Variants in CTSS observed in about 807,000 individuals in gnomAD.
CTSS encodes cathepsin S.
CTSS carries 15 observed loss-of-function variants against 39.9 expected under a neutral mutation model. The observed-to-expected ratio is 0.38, with a 90% confidence interval of 0.25 to 0.58. The LOEUF (loss-of-function observed/expected upper bound fraction) is 0.58. CTSS is among the 20% of genes least tolerant of loss of function. The pLI is 0.70. For missense variants in CTSS, 250 were observed against 398.2 expected, an observed-to-expected ratio of 0.63 and a Z score of 3.17; for synonymous variants, 126 against 138.2, an observed-to-expected ratio of 0.91 and a Z score of 0.62.
At chr1:150,757,829 G>T in intron 3 of CTSS, 29 bp downstream of exon 3, 3 of 1,603,168 alleles carry the variant, frequency 1.9e-6, no homozygotes, top group Non-Finnish European at 1.7e-6. Flanking sequence ...ACCCAGACGT[G>T]AAAGTGGGAT....
intron 7 of CTSS, among the ~76,000 whole-genome samples, chr1:150,734,213 G>A (rs1449238536): frequency 2.0e-5 from 3 of 151,858 alleles, no homozygotes; most frequent in Admixed American, 1.3e-4. Flanking sequence ...TTTTAGTAGA[G>A]ATGGGGTTTC....
intron 4 of CTSS, 33 bp downstream of exon 4, chr1:150,754,968 T>C (rs1269488087): frequency 6.2e-7 from 1 of 1,600,290 alleles, no homozygotes; most frequent in African/African-American, 1.3e-5. Flanking sequence ...GAGCTCTACC[T>C]AGGGTTCAGA....
At chr1:150,738,452 A>T (rs1484430862) in intron 7 of CTSS, among the ~76,000 whole-genome samples, 1 of 150,578 alleles carries the variant, frequency 6.6e-6, no homozygotes, top group African/African-American at 2.4e-5. Flanking sequence ...AACTGTTTTC[A>T]TTATTAGCAA....
At chr1:150,760,914 C>T (rs1267631939) in intron 2 of CTSS, among the ~76,000 whole-genome samples, 2 of 151,088 alleles carry the variant, frequency 1.3e-5, no homozygotes, top group Admixed American at 6.6e-5. Context: ...GGCAAGGCGG[C>T]TTATGCTTGT....
In CTSS at chr1:150,730,511, GA is replaced by G. The variant is rs1231214974; in HGVS notation, c.*2534del. 6.6e-6 allele frequency: 1 copy of G among 151,880 alleles called. No individual in the cohort carries two copies. Among genetic ancestry groups the G allele is most frequent in the African/African-American group, 2.4e-5 (1 of 41,370 alleles). 9.4% of individuals were successfully genotyped at this position (151,880 alleles called of 1,614,324 possible). Reference sequence around the variant, plus strand: ...TATGATCTACTTCAGGGGAAGGTCAGAAAATCCTTCCCAGGTTTTATGGCTG... The same window carrying G: ...TATGATCTACTTCAGGGGAAGGTCAGAAATCCTTCCCAGGTTTTATGGCTG... On this transcript the variant is annotated 3_prime_UTR_variant, in exon 8 of 8. Coordinates refer to ENST00000368985, the MANE Select transcript of CTSS (RefSeq NM_004079.5).
intron 5 of CTSS, among the ~76,000 whole-genome samples, chr1:150,751,183 T>C (rs1172270212): frequency 1.3e-5 from 2 of 152,134 alleles, no homozygotes; most frequent in Non-Finnish European, 2.9e-5. Context: ...GAGAATAAGG[T>C]TGAGCATGGG....
rs1254478539 is a variant in CTSS, at chr1:150,764,756, C to T, written c.8G>A (p.Arg3Gln). ...GCACACCAAGAGCACACAAACCAGC[C>T]GTTTCATTCTGTGTAAGGAAAGGTA... MK[R>Q]LVCVLLVCSS... Residue 3 changes from arginine (R) to glutamine (Q), a missense_variant, in exon 2 of 8, where the codon CGG becomes CAG. Arg to Gln is a conservative substitution (Grantham distance 43). Coordinates refer to ENST00000368985, the MANE Select transcript of CTSS (RefSeq NM_004079.5). 5.0e-6 allele frequency: 8 copies of T among 1,613,792 alleles called. No individual in the cohort carries two copies. The African/African-American group carries it at 6.7e-5, about 13-fold the overall frequency.
At chr1:150,763,279 G>A (rs954783084) in intron 2 of CTSS, among the ~76,000 whole-genome samples, 1 of 152,134 alleles carries the variant, frequency 6.6e-6, no homozygotes, top group Non-Finnish European at 1.5e-5. Context: ...GGTTAGCAGA[G>A]GCTGGGCGGA....
Position 150,749,998 on chromosome 1 carries a change from T to C in CTSS, c.793+8A>G. 1 of 1,586,132 alleles carries C rather than the reference T, an allele frequency of 6.3e-7. No individual in the cohort carries two copies. Among genetic ancestry groups the C allele is most frequent in the Non-Finnish European group, 8.6e-7 (1 of 1,162,790 alleles). ...TAAATTCTAATTATTGTTTATTTTA[T>C]TTTTTACCACTTCTGTAGAGGAAGA... On this transcript the variant is annotated splice_region_variant and intron_variant, in intron 6 of 7. Coordinates refer to ENST00000368985, the MANE Select transcript of CTSS (RefSeq NM_004079.5).
intron 7 of CTSS, among the ~76,000 whole-genome samples, chr1:150,746,938 A>G (rs1652906359): frequency 6.6e-6 from 1 of 152,200 alleles, no homozygotes; most frequent in African/African-American, 2.4e-5. Context: ...AGACTCGTTC[A>G]TATTTTAGAC....
chr1:150,759,949 T>C (rs1245130886), intron 2 of CTSS, among the ~76,000 whole-genome samples: 2 of 151,608 alleles, frequency 1.3e-5, no homozygotes, highest in Non-Finnish European at 2.9e-5. Context: ...ATAATGGGCA[T>C]GCATGATGGG....
rs1371402140 is a variant in CTSS, at chr1:150,757,860, T to C, written c.247A>G (p.Met83Val). The C allele has an allele frequency of 1.9e-6, 3 of 1,613,088 alleles. No individual in the cohort carries two copies. Among genetic ancestry groups the C allele is most frequent in the Non-Finnish European group, 2.5e-6 (3 of 1,179,328 alleles). The change falls in exon 3 of 8, where the codon ATG becomes GTG. Residue 83 changes from methionine to valine, a missense_variant and splice_region_variant. By Grantham distance (21) the Met-to-Val change is conservative. Coordinates refer to ENST00000368985, the MANE Select transcript of CTSS (RefSeq NM_004079.5). ...YDLGMNHLGDMTSEEVMSLMS... is the reference protein window; with the variant it reads ...YDLGMNHLGDVTSEEVMSLMS... ...GGGATTTCTTGTAATGTACCTACCA[T>C]GTCTCCCAGGTGGTTCATGCCCAGA...
chr1:150,737,715 G>T (rs1652664325), intron 7 of CTSS, among the ~76,000 whole-genome samples: 1 of 152,126 alleles, frequency 6.6e-6, no homozygotes, highest in South Asian at 2.1e-4. Context: ...CTAGGTTCTA[G>T]AGGAGAAACA....
At chr1:150,764,823 A>T in intron 1 of CTSS, 59 bp from the exon 2 acceptor site, 1 of 1,579,976 alleles carries the variant, frequency 6.3e-7, no homozygotes, top group Non-Finnish European at 8.7e-7. Flanking sequence ...TTGTGACCAC[A>T]TGTTTTCATA....
intron 5 of CTSS, among the ~76,000 whole-genome samples, chr1:150,751,268 G>T (rs1652999644): frequency 6.6e-6 from 1 of 151,948 alleles, no homozygotes; most frequent in Admixed American, 6.6e-5. Flanking sequence ...TTTAATTTTG[G>T]GATGGAGTCT....
Position 150,765,491 on chromosome 1 carries a change from A to G in CTSS, c.-2+207T>C, listed in dbSNP as rs200709526. The stretch of plus-strand genomic sequence containing the variant: ...CATGTAAGCCTTTAAATTATATTCC[A>G]AAGAAAGCCATGTTTCAGTCTCAAC... On this transcript the variant is annotated intron_variant, in intron 1 of 7. Transcript: ENST00000368985. Among the ~76,000 whole-genome samples the G allele has an allele frequency of 1.4e-4, 22 of 152,324 alleles. No individual in the cohort carries two copies. The East Asian group carries it at 2.3e-3, about 16-fold the overall frequency.
At chr1:150,750,283 T>C (rs1652983009) in intron 5 of CTSS, 112 bp from the exon 6 acceptor site, 8 of 748,938 alleles carry the variant, frequency 1.1e-5, no homozygotes, top group Non-Finnish European at 1.6e-5. Flanking sequence ...CTTTTTCATG[T>C]GTCTAAGGCT....
In CTSS at chr1:150,751,974, A is replaced by G. The variant is rs1406894647; in HGVS notation, c.434T>C (p.Val145Ala). The change falls in exon 5 of 8, where the codon GTG (valine) becomes GCG (alanine). Residue 145 changes from valine to alanine, a missense_variant. Transcript: ENST00000368985. ...SCGACWAFSA[V>A]GALEAQLKLK... ...CTTCAGCTGTGCTTCCAGGGCCCCC[A>G]CAGCACTGAAAGCCCAGCAAGCACC... 6.2e-7 allele frequency: 1 copy of G among 1,614,160 alleles called. No individual in the cohort carries two copies. Among genetic ancestry groups the G allele is most frequent in the South Asian group, 1.1e-5 (1 of 91,078 alleles).
intron 3 of CTSS, among the ~76,000 whole-genome samples, chr1:150,755,948 T>C (rs1486758964): frequency 6.6e-6 from 1 of 152,140 alleles, no homozygotes; most frequent in African/African-American, 2.4e-5. Flanking sequence ...TAACCTTAGT[T>C]TAATGCAACT....
Sources: allele counts gnomAD v4.1 joint callset (sites outside exome capture counted in the v4.1 genomes callset), GRCh38; gene constraint gnomAD v4.1.1; transcripts MANE v1.5; gene names NCBI Gene and HGNC (gene_info 2026-07-23, HGNC 2026-07-21).